The following CCBE1 variants were observed in gnomAD, a reference collection of about 807,000 sequenced individuals.
The protein encoded by CCBE1 is collagen and calcium binding EGF domains 1.
Under a neutral mutation model 50.0 loss-of-function variants are expected in CCBE1, and 37 were observed. That is an observed-to-expected ratio of 0.74 (90% CI 0.57 to 0.97). The LOEUF (loss-of-function observed/expected upper bound fraction) is 0.97. CCBE1 is among the 50% of genes least tolerant of loss of function. The probability of loss-of-function intolerance (pLI) is 0.00; values close to 1 mark genes in which losing one functional copy is unlikely to be tolerated. For synonymous variants in CCBE1, 234 were observed against 203.7 expected (o/e 1.15, Z -1.27); for missense variants, 538 against 523.8 (o/e 1.03, Z -0.26).
chr18:59,645,842 T>C (rs974634438), intron 2 of CCBE1, among the ~76,000 whole-genome samples: 9 of 152,060 alleles, frequency 5.9e-5, no homozygotes, highest in Non-Finnish European at 1.0e-4. Context: ...CCATCCTGGC[T>C]AACACGGTGA....
chr18:59,506,551 C>T (rs1015436338), intron 2 of CCBE1, among the ~76,000 whole-genome samples: 7 of 152,232 alleles, frequency 4.6e-5, no homozygotes, highest in Admixed American at 1.3e-4. Context: ...CAAAGACCTT[C>T]GGTCAAAGGA....
chr18:59,606,902 C>G (rs1233910276), intron 2 of CCBE1, among the ~76,000 whole-genome samples: 2 of 152,178 alleles, frequency 1.3e-5, no homozygotes, highest in Non-Finnish European at 2.9e-5. Context: ...CATGCTTCTG[C>G]TGTGACACTT....
Position 59,534,242 on chromosome 18 carries a change from T to G in CCBE1, c.213-54004A>C, listed in dbSNP as rs576620650. Among the ~76,000 whole-genome samples, 4 of 152,348 alleles carry G rather than the reference T, an allele frequency of 2.6e-5. No homozygotes were observed. The East Asian group carries it at 7.7e-4, about 29-fold the overall frequency. On this transcript the variant is annotated intron_variant, in intron 2 of 10. Coordinates refer to ENST00000439986, the MANE Select transcript of CCBE1 (RefSeq NM_133459.4). ...GACCTCAAAATAACACACCTATAAC[T>G]TCGGTATCATGTACTAAAACCTTTG...
At chr18:59,490,387 C>CTTTT (rs11379621) in intron 2 of CCBE1, among the ~76,000 whole-genome samples, 3,361 of 141,706 alleles carry the variant, frequency 0.024, 123 homozygotes, top group African/African-American at 0.079. Flanking sequence ...GATATTCCCC[C>CTTTT]TTTTTTTTTT....
intron 2 of CCBE1, among the ~76,000 whole-genome samples, chr18:59,589,874 G>T (rs147151065): frequency 1.3e-5 from 2 of 149,952 alleles, no homozygotes; most frequent in Non-Finnish European, 2.9e-5. Context: ...GTGTATATTT[G>T]CTCAACAGTA....
intron 10 of CCBE1, 36 bp downstream of exon 10, chr18:59,438,075 T>C: frequency 6.2e-7 from 1 of 1,612,126 alleles, no homozygotes; most frequent in Admixed American, 1.7e-5. Context: ...CCTGAGAACG[T>C]TCCCCTGGGG....
chr18:59,469,705 G>A (rs2143733212), intron 3 of CCBE1, 98 bp from the exon 4 acceptor site: 1 of 1,515,840 alleles, frequency 6.6e-7, no homozygotes. Flanking sequence ...CTCTGCTCAA[G>A]GGCACGTGTG....
intron 2 of CCBE1, among the ~76,000 whole-genome samples, chr18:59,521,507 G>A (rs541167562): frequency 1.3e-5 from 2 of 152,204 alleles, no homozygotes; most frequent in African/African-American, 2.4e-5. Context: ...AAAACACATG[G>A]CCTCTGCAGT....
chr18:59,513,068 C>A (rs1360658692), intron 2 of CCBE1, among the ~76,000 whole-genome samples: 1 of 152,182 alleles, frequency 6.6e-6, no homozygotes, highest in Non-Finnish European at 1.5e-5. Flanking sequence ...AATCCCAGCA[C>A]TTTGGGAGGC....
At chr18:59,576,873 G>T (rs1480213874) in intron 2 of CCBE1, among the ~76,000 whole-genome samples, 1 of 152,194 alleles carries the variant, frequency 6.6e-6, no homozygotes, top group Admixed American at 6.5e-5. Flanking sequence ...ATACCAGCAA[G>T]TCTGCATAGT....
intron 2 of CCBE1, among the ~76,000 whole-genome samples, chr18:59,641,661 A>T (rs950668738): frequency 1.3e-5 from 2 of 152,246 alleles, no homozygotes; most frequent in African/African-American, 4.8e-5. Context: ...CAAAGTAGAG[A>T]TCACTTTCTA....
chr18:59,572,296 GT>G (rs1437186358), intron 2 of CCBE1, among the ~76,000 whole-genome samples: 21 of 152,090 alleles, frequency 1.4e-4, no homozygotes, highest in South Asian at 2.1e-4. Context: ...AATTTTATGG[GT>G]TTTTTTCCCC....
chr18:59,563,323 T>G (rs1599017051), intron 2 of CCBE1, among the ~76,000 whole-genome samples: 1 of 152,386 alleles, frequency 6.6e-6, no homozygotes. Context: ...TCTTGATTTT[T>G]TAAAATACTA....
intron 2 of CCBE1, among the ~76,000 whole-genome samples, chr18:59,627,771 A>T (rs1279996295): frequency 6.6e-6 from 1 of 152,164 alleles, no homozygotes; most frequent in South Asian, 2.1e-4. Flanking sequence ...TTGGCCCCAC[A>T]GACACCTTGA....
Position 59,516,179 on chromosome 18 carries a change from A to C in CCBE1, c.213-35941T>G, listed in dbSNP as rs139290889. On this transcript the variant is annotated intron_variant, in intron 2 of 10. Transcript: ENST00000439986. Reference sequence around the variant, plus strand: ...TTGCCATGTTGGCCAGTCTGGTCTCAAACTCCTGACCTCAAGTGATCCACC... The same window carrying C: ...TTGCCATGTTGGCCAGTCTGGTCTCCAACTCCTGACCTCAAGTGATCCACC... Among the ~76,000 whole-genome samples the C allele has an allele frequency of 3.8e-3, 569 of 151,142 alleles. 3 individuals are homozygous for C. Among genetic ancestry groups the C allele is most frequent in the African/African-American group, 0.012 (514 of 41,296 alleles).
intron 2 of CCBE1, among the ~76,000 whole-genome samples, chr18:59,647,346 C>T (rs929316036): frequency 2.0e-5 from 3 of 152,068 alleles, no homozygotes; most frequent in Non-Finnish European, 4.4e-5. Context: ...AATATGTACC[C>T]ACAGGATCTC....
intron 2 of CCBE1, among the ~76,000 whole-genome samples, chr18:59,620,139 T>C (rs973523059): frequency 6.6e-6 from 1 of 152,084 alleles, no homozygotes; most frequent in Non-Finnish European, 1.5e-5. Flanking sequence ...AGAGACACAG[T>C]TTTCCCCACG....
intron 2 of CCBE1, among the ~76,000 whole-genome samples, chr18:59,671,898 C>T (rs2054437767): frequency 6.6e-6 from 1 of 151,510 alleles, no homozygotes; most frequent in African/African-American, 2.4e-5. Context: ...GTGGCAATAA[C>T]AAGAAAGCTG....
intron 2 of CCBE1, among the ~76,000 whole-genome samples, chr18:59,682,838 C>A (rs1337210860): frequency 6.6e-6 from 1 of 152,216 alleles, no homozygotes; most frequent in Non-Finnish European, 1.5e-5. Context: ...TGGTGTAAAA[C>A]ACGCAGAGTA....
Sources: gnomAD v4.1 joint callset for allele counts (sites outside exome capture counted in the v4.1 genomes callset) on GRCh38, gnomAD v4.1.1 for gene constraint, MANE v1.5 for transcripts, NCBI Gene and HGNC (gene_info 2026-07-23, HGNC 2026-07-21) for gene names.